The following TRAF5 variants were observed in gnomAD, a reference collection of about 807,000 sequenced individuals.
TRAF5 encodes the protein TNF receptor-associated factor 5.
In TRAF5, 48 loss-of-function variants were observed where a neutral mutation model predicts 64.5. The ratio of observed to expected loss-of-function variants is 0.74; its 90% confidence interval spans 0.59 to 0.95. TRAF5 has a LOEUF of 0.95. Ranked by LOEUF, TRAF5 falls within the 40% of genes least tolerant of loss-of-function variation. TRAF5 has a pLI of 0.00. For missense variants in TRAF5, 545 were observed against 662.8 expected (o/e 0.82, Z 1.95); for synonymous variants, 206 against 240.5 (o/e 0.86, Z 1.33).
At position 211,365,463 on chromosome 1, in the gene TRAF5, G is replaced by A. The variant is rs1703321132; in HGVS notation, c.784G>A (p.Glu262Lys). ...LVLEKNVQLE[E>K]QISDLHKSLE... Reference sequence around the variant, plus strand: ...TTTAGAAAAGAATGTCCAATTAGAAGAACAGGTAAATCTTCAAAGGTTCAA... The same window carrying A: ...TTTAGAAAAGAATGTCCAATTAGAAAAACAGGTAAATCTTCAAAGGTTCAA... The change falls in exon 8 of 11, where the codon GAA becomes AAA. Residue 262 changes from glutamate (E) to lysine (K), a missense_variant. Glu to Lys is a moderately conservative substitution (Grantham distance 56, BLOSUM62 1). Coordinates refer to ENST00000261464, the MANE Select transcript of TRAF5 (RefSeq NM_001033910.3). 2 of 1,611,996 alleles carry A rather than the reference G, an allele frequency of 1.2e-6. No individual in the cohort carries two copies. The highest frequency in any genetic ancestry group is 3.3e-5 in the Admixed American group (2 of 59,910).
rs546202914 is a variant in TRAF5, at chr1:211,332,321, C to T, written c.-2+5432C>T. ...GCAGACCAGTTACTTTAGCCAGATC[C>T]AATGTGAAGGCACAGCAGGATAAGG... On this transcript the variant is annotated intron_variant, in intron 1 of 10. Coordinates refer to ENST00000261464, the MANE Select transcript of TRAF5 (RefSeq NM_001033910.3). Among the ~76,000 whole-genome samples, 57 of 152,226 alleles carry T rather than the reference C, an allele frequency of 3.7e-4. 1 individual carries two copies. The highest frequency in any genetic ancestry group is 8.1e-4 in the Non-Finnish European group (55 of 68,032).
In TRAF5 at chr1:211,358,735, A is replaced by G. The variant is rs989105393; in HGVS notation, c.379-1177A>G. 2.0e-5 allele frequency: 3 copies of G among 149,206 alleles called. No individual in the cohort carries two copies. The Admixed American group carries it at 2.0e-4, about 10-fold the overall frequency. 9.2% of individuals were successfully genotyped at this position (149,206 alleles called of 1,614,324 possible). On this transcript the variant is annotated intron_variant, in intron 4 of 10. Coordinates refer to ENST00000261464, the MANE Select transcript of TRAF5 (RefSeq NM_001033910.3). The stretch of plus-strand genomic sequence containing the variant: ...ATAAAATTAAAAAAAATAAAATAGA[A>G]TGTGAAGAACCCTGGAATGAACACT...
chr1:211,370,595 C>T, intron 9 of TRAF5, among the ~76,000 whole-genome samples: 1 of 152,168 alleles, frequency 6.6e-6, no homozygotes, highest in Non-Finnish European at 1.5e-5. Flanking sequence ...TATTAAACAT[C>T]ATAGCTTAGC....
rs12724746 is a variant in TRAF5, at chr1:211,348,064, A to G, written c.-1-5175A>G. On this transcript the variant is annotated intron_variant, in intron 1 of 10. Coordinates refer to ENST00000261464, the MANE Select transcript of TRAF5 (RefSeq NM_001033910.3). ...GATCTGCATGGTCAAAACTATTTTC[A>G]TAATAGTACTGACATCGTTTGCCAT... Among the ~76,000 whole-genome samples, 923 of 152,304 alleles carry G rather than the reference A, an allele frequency of 6.1e-3. 9 individuals are homozygous for G. Among genetic ancestry groups the G allele is most frequent in the African/African-American group, 0.02 (848 of 41,562 alleles).
chr1:211,357,743 G>C (rs1703013468), intron 4 of TRAF5: 1 of 152,196 alleles, frequency 6.6e-6, no homozygotes, highest in African/African-American at 2.4e-5. Context: ...CTTACTACCA[G>C]AGGTGAAGGA....
intron 1 of TRAF5, among the ~76,000 whole-genome samples, chr1:211,332,513 C>A (rs1572050891): frequency 2.0e-5 from 3 of 152,240 alleles, no homozygotes; most frequent in Non-Finnish European, 4.4e-5. Context: ...CCATGAAGGT[C>A]CCTCTTCTGT....
At chr1:211,347,623 T>C (rs1438576801) in intron 1 of TRAF5, among the ~76,000 whole-genome samples, 4 of 152,172 alleles carry the variant, frequency 2.6e-5, no homozygotes, top group Non-Finnish European at 5.9e-5. Context: ...AGAGGAAGGA[T>C]GGGGCATTCA....
Position 211,353,302 on chromosome 1 carries a change from C to T in TRAF5, c.63C>T (p.Asn21=). The T allele has an allele frequency of 1.9e-6, 3 of 1,614,260 alleles. No individual in the cohort carries two copies. The highest frequency in any genetic ancestry group is 2.5e-6 in the Non-Finnish European group (3 of 1,180,048). ...GTTTCATCCGCCAGAATTCCGGCAA[C>T]TCCATTTCCTTGGACTTTGAGCCCA... ...PCGFIRQNSG[N]SISLDFEPSI... The change falls in exon 2 of 11, where the codon AAC becomes AAT. Residue 21 remains asparagine, a synonymous_variant. Transcript: ENST00000261464.
chr1:211,361,702 T>G (rs1015232027), intron 7 of TRAF5, among the ~76,000 whole-genome samples: 1 of 140,928 alleles, frequency 7.1e-6, no homozygotes, highest in Admixed American at 7.2e-5. Flanking sequence ...GTTTTTTTTT[T>G]TTTTTTTTTT....
At chr1:211,330,082 C>T (rs546223104) in intron 1 of TRAF5, among the ~76,000 whole-genome samples, 2 of 152,198 alleles carry the variant, frequency 1.3e-5, no homozygotes, top group African/African-American at 4.8e-5. Context: ...TTTACAGTGA[C>T]AGTGGTGAGC....
At chr1:211,333,080 C>T (rs1190759038) in intron 1 of TRAF5, among the ~76,000 whole-genome samples, 3 of 152,228 alleles carry the variant, frequency 2.0e-5, no homozygotes, top group Admixed American at 6.5e-5. Flanking sequence ...ACAAGTGGAC[C>T]TCTCTAGCCC....
chr1:211,362,147 A>G (rs1703207016), intron 7 of TRAF5, among the ~76,000 whole-genome samples: 1 of 152,200 alleles, frequency 6.6e-6, no homozygotes, highest in South Asian at 2.1e-4. Context: ...TCGTGTTTTA[A>G]TATGTATGTT....
At chr1:211,364,657 G>A (rs1428255724) in intron 7 of TRAF5, among the ~76,000 whole-genome samples, 1 of 150,850 alleles carries the variant, frequency 6.6e-6, no homozygotes, top group Admixed American at 6.7e-5. Flanking sequence ...CCATACTCCA[G>A]CCTGGGCGAC....
chr1:211,370,436 T>C (rs1258334401), intron 9 of TRAF5, among the ~76,000 whole-genome samples: 2 of 152,060 alleles, frequency 1.3e-5, no homozygotes, highest in Admixed American at 6.6e-5. Context: ...ACAATGTATA[T>C]GTATGTGAAA....
chr1:211,351,184 G>T (rs1413594148), intron 1 of TRAF5, among the ~76,000 whole-genome samples: 2 of 152,002 alleles, frequency 1.3e-5, no homozygotes, highest in East Asian at 3.9e-4. Context: ...CTGCCACCAC[G>T]CCTGGCTAAT....
At chr1:211,352,813 A>G (rs1417179807) in intron 1 of TRAF5, among the ~76,000 whole-genome samples, 3 of 152,192 alleles carry the variant, frequency 2.0e-5, no homozygotes, top group Admixed American at 6.5e-5. Flanking sequence ...TGAGAAATAT[A>G]TTTGTCTGCT....
At chr1:211,354,264 G>A (rs1419901263) in intron 2 of TRAF5, 146 bp from the exon 3 acceptor site, 1 of 658,042 alleles carries the variant, frequency 1.5e-6, no homozygotes, top group Non-Finnish European at 2.6e-6. Context: ...GGGTACAGGA[G>A]GCCCCTTCTG....
intron 1 of TRAF5, among the ~76,000 whole-genome samples, chr1:211,345,783 G>A (rs1221461913): frequency 6.6e-6 from 1 of 152,214 alleles, no homozygotes; most frequent in African/African-American, 2.4e-5. Flanking sequence ...TTAGAGCCAT[G>A]GAGGAGCACC....
chr1:211,337,134 A>G (rs74604923), intron 1 of TRAF5, among the ~76,000 whole-genome samples: 111 of 152,386 alleles, frequency 7.3e-4, no homozygotes, highest in African/African-American at 2.6e-3. Context: ...GAGAGCAAAG[A>G]CATGAACAAG....
Sources: allele counts gnomAD v4.1 joint callset (sites outside exome capture counted in the v4.1 genomes callset), GRCh38; gene constraint gnomAD v4.1.1; transcripts MANE v1.5; gene names NCBI Gene and HGNC (gene_info 2026-07-23, HGNC 2026-07-21).